Variants in LURAP1 observed in about 807,000 individuals in gnomAD.
LURAP1 encodes the protein NF-kappa-B activator C1orf190.
A neutral mutation model predicts 19.0 loss-of-function variants in LURAP1; 14 were observed. That is an observed-to-expected ratio of 0.74 (90% confidence interval 0.49 to 1.15). The LOEUF is 1.15. Among genes scored for constraint, LURAP1 ranks in the 50% most tolerant of loss-of-function variants. LURAP1 has a pLI of 0.00. For synonymous variants in LURAP1, 129 were observed against 131.8 expected (o/e 0.98, Z 0.14); for missense variants, 273 against 309.1 (o/e 0.88, Z 0.87).
At chr1:46,212,043 T>A (rs1051562524) in intron 1 of LURAP1, among the ~76,000 whole-genome samples, 1 of 152,080 alleles carries the variant, frequency 6.6e-6, no homozygotes, top group African/African-American at 2.4e-5. Flanking sequence ...ATTACAGGAG[T>A]GAGCTACCAC....
intron 1 of LURAP1, among the ~76,000 whole-genome samples, chr1:46,211,410 C>T (rs1571686848): frequency 1.3e-5 from 2 of 149,604 alleles, no homozygotes; most frequent in African/African-American, 4.9e-5. Context: ...GGCTATGGGG[C>T]TTATGAGCCA....
chr1:46,204,519 C>T (rs1054882784), intron 1 of LURAP1, among the ~76,000 whole-genome samples: 1 of 146,018 alleles, frequency 6.8e-6, no homozygotes, highest in African/African-American at 2.4e-5. Context: ...ACAGTGAGTA[C>T]GTCAGCTAAA....
chr1:46,219,251 C>T (rs1043180876), intron 1 of LURAP1, among the ~76,000 whole-genome samples: 4 of 150,880 alleles, frequency 2.7e-5, no homozygotes, highest in African/African-American at 7.3e-5. Flanking sequence ...GCTGAGATCG[C>T]GCCATTGCAC....
At chr1:46,212,561 G>A (rs558151411) in intron 1 of LURAP1, among the ~76,000 whole-genome samples, 19 of 151,418 alleles carry the variant, frequency 1.3e-4, no homozygotes, top group Admixed American at 1.1e-3. Context: ...GATTACAGGC[G>A]TGAGCCACTG....
rs1164194252 is a variant in LURAP1 at position 46,219,978 on chromosome 1, G to A, written c.478G>A (p.Gly160Ser). ...TVAPSELDEQ[G>S]PPGAPRSEMD... ...GGCCCCCAGCGAGCTGGATGAACAG[G>A]GCCCACCTGGGGCTCCACGTTCCGA... is the stretch of plus-strand genomic sequence containing the variant. Residue 160 changes from glycine to serine, a missense_variant, in exon 2 of 2, where the codon GGC becomes AGC. By Grantham distance (56) the Gly-to-Ser change is moderately conservative. Transcript: ENST00000371980. 6.2e-7 allele frequency: 1 copy of A among 1,614,286 alleles called. No individual in the cohort carries two copies. The highest frequency in any genetic ancestry group is 1.7e-5 in the Admixed American group (1 of 60,034).
chr1:46,203,607 G>T lies in LURAP1; in HGVS notation c.181G>T (p.Ala61Ser). The T allele has an allele frequency of 6.3e-7, 1 of 1,599,836 alleles. No homozygotes were observed. The highest frequency in any genetic ancestry group is 8.5e-7 in the Non-Finnish European group (1 of 1,174,192). Residue 61 changes from alanine (A) to serine (S), a missense_variant, in exon 1 of 2, where the codon GCG (alanine) becomes TCG (serine). Transcript: ENST00000371980. ...CCACGACTTGGGGGACAAGATCATG[G>T]CGCTGAAGATGGAGCTGGTGAGTGC... Reference protein sequence around the residue: ...TGHDLGDKIMALKMELAYLRA... With the variant: ...TGHDLGDKIMSLKMELAYLRA...
chr1:46,203,819 G>T (rs1571680104), intron 1 of LURAP1, among the ~76,000 whole-genome samples, 195 bp downstream of exon 1: 1 of 152,270 alleles, frequency 6.6e-6, no homozygotes, highest in South Asian at 2.1e-4. Flanking sequence ...CCCCAAGAGT[G>T]AGTGGGGTGT....
Position 46,219,935 on chromosome 1 carries a change from C to T in LURAP1, c.435C>T (p.Gly145=). The T allele has an allele frequency of 6.2e-7, 1 of 1,614,256 alleles. No homozygotes were observed. Among genetic ancestry groups the T allele is most frequent in the Non-Finnish European group, 8.5e-7 (1 of 1,180,044 alleles). The change falls in exon 2 of 2, where the codon GGC becomes GGT. Residue 145 remains glycine, a synonymous_variant. Coordinates refer to ENST00000371980, the MANE Select transcript of LURAP1 (RefSeq NM_001013615.3). ...TTDRLDSVSI[G]SFLDTVAPSE... Reference sequence around the variant, plus strand: ...ACCGGCTGGACAGTGTCTCTATTGGCAGCTTCCTGGACACAGTGGCCCCCA... The same window carrying T: ...ACCGGCTGGACAGTGTCTCTATTGGTAGCTTCCTGGACACAGTGGCCCCCA...
At chr1:46,217,497 T>G (rs1434130569) in intron 1 of LURAP1, among the ~76,000 whole-genome samples, 1 of 152,210 alleles carries the variant, frequency 6.6e-6, no homozygotes, top group Non-Finnish European at 1.5e-5. Context: ...GTAATTTTAT[T>G]GCCTATTAGG....
rs1018781451 is a variant in LURAP1, at chr1:46,219,780, T to C, written c.280T>C (p.Leu94=). The change falls in exon 2 of 2, where the codon TTG becomes CTG. Residue 94 remains leucine, a synonymous_variant. Transcript: ENST00000371980. The part of the protein sequence containing the change: ...NEGIEAVRWL[L]EERGTLTSHC... Reference sequence around the variant, plus strand: ...GGGCATCGAGGCAGTGCGCTGGCTGTTGGAGGAGCGGGGGACGTTGACCAG... The same window carrying C: ...GGGCATCGAGGCAGTGCGCTGGCTGCTGGAGGAGCGGGGGACGTTGACCAG... The C allele has an allele frequency of 1.5e-5, 25 of 1,613,976 alleles. No individual in the cohort carries two copies. Among genetic ancestry groups the C allele is most frequent in the Non-Finnish European group, 2.1e-5 (25 of 1,180,012 alleles).
intron 1 of LURAP1, among the ~76,000 whole-genome samples, chr1:46,206,361 C>T (rs1453461903): frequency 2.0e-5 from 3 of 152,108 alleles, no homozygotes; most frequent in Admixed American, 6.6e-5. Context: ...GCTCTGGGAG[C>T]TCGGACTGGG....
chr1:46,217,736 A>C (rs1241515113), intron 1 of LURAP1, among the ~76,000 whole-genome samples: 1 of 152,130 alleles, frequency 6.6e-6, no homozygotes, highest in African/African-American at 2.4e-5. Flanking sequence ...TGATACTTGT[A>C]ATCCCAGCTA....
chr1:46,209,627 C>T (rs1658830831), intron 1 of LURAP1, among the ~76,000 whole-genome samples: 1 of 151,564 alleles, frequency 6.6e-6, no homozygotes, highest in African/African-American at 2.4e-5. Context: ...TCACTGCAGC[C>T]TCAGCCTCCC....
At chr1:46,218,745 A>G (rs1381340936) in intron 1 of LURAP1, among the ~76,000 whole-genome samples, 1 of 152,114 alleles carries the variant, frequency 6.6e-6, no homozygotes, top group Non-Finnish European at 1.5e-5. Flanking sequence ...TACTTCCAGT[A>G]CAGACAGGTA....
At chr1:46,212,192 G>A (rs139443580) in intron 1 of LURAP1, among the ~76,000 whole-genome samples, 4 of 152,156 alleles carry the variant, frequency 2.6e-5, no homozygotes, top group Non-Finnish European at 5.9e-5. Context: ...TGTGACCTGC[G>A]GGATCTGACC....
At chr1:46,217,971 TAAATACCA>T (rs1659119279) in intron 1 of LURAP1, among the ~76,000 whole-genome samples, 1 of 152,028 alleles carries the variant, frequency 6.6e-6, no homozygotes, top group African/African-American at 2.4e-5. Context: ...GATTAGGAGG[TAAATACCA>T]AAATAAACAA....
chr1:46,203,809 C>G (rs1053885181), intron 1 of LURAP1, among the ~76,000 whole-genome samples, 185 bp downstream of exon 1: 1 of 152,046 alleles, frequency 6.6e-6, no homozygotes, highest in Non-Finnish European at 1.5e-5. Context: ...ATTACTTGTC[C>G]CCCAAGAGTG....
chr1:46,210,803 C>G (rs541798363), intron 1 of LURAP1, among the ~76,000 whole-genome samples: 1 of 152,074 alleles, frequency 6.6e-6, no homozygotes, highest in Non-Finnish European at 1.5e-5. Context: ...GAGACAAGGT[C>G]TGGTTCTGTT....
intron 1 of LURAP1, 104 bp from the exon 2 acceptor site, chr1:46,219,595 T>C: frequency 1.6e-6 from 2 of 1,281,066 alleles, no homozygotes; most frequent in Non-Finnish European, 2.1e-6. Context: ...CCATCCGTCT[T>C]AAAGTGAAAC....
Sources: gnomAD v4.1 joint callset for allele counts (sites outside exome capture counted in the v4.1 genomes callset) on GRCh38, gnomAD v4.1.1 for gene constraint, MANE v1.5 for transcripts, NCBI Gene and HGNC (gene_info 2026-07-23, HGNC 2026-07-21) for gene names.